SORCS1: variants seen among roughly 807,000 people sequenced by gnomAD.
SORCS1 encodes the protein VPS10 domain-containing receptor SorCS1.
A neutral mutation model predicts 146.1 loss-of-function variants in SORCS1; 60 were observed. That is an observed-to-expected ratio of 0.41 (90% CI 0.33 to 0.51). SORCS1 has a LOEUF of 0.51. Ranked by LOEUF, SORCS1 falls within the 20% of genes least tolerant of loss-of-function variation. The pLI is 0.21. For synonymous variants in SORCS1, 637 were observed against 584.0 expected, an observed-to-expected ratio of 1.09 and a Z score of -1.31; for missense variants, 1,352 against 1,487.6, an observed-to-expected ratio of 0.91 and a Z score of 1.50.
intron 3 of SORCS1, among the ~76,000 whole-genome samples, chr10:106,814,740 G>A (rs893776884): frequency 1.3e-4 from 19 of 151,664 alleles, no homozygotes; most frequent in Non-Finnish European, 1.9e-4. Context: ...TGGTGAAACC[G>A]CGTCTCTACT....
In SORCS1 at chr10:107,034,269, C is replaced by G. The variant is rs572190199; in HGVS notation, c.559-77689G>C. Among the ~76,000 whole-genome samples the G allele has an allele frequency of 2.6e-5, 4 of 152,168 alleles. No individual in the cohort carries two copies. In the South Asian group the frequency reaches 8.3e-4, roughly 32 times the overall value. On this transcript the variant is annotated intron_variant, in intron 1 of 25. Transcript: ENST00000263054. ...GTCAGTCAATACAGTTGGCCATGCT[C>G]CAAGTATCAGAAAAGAGCCCAGAGT...
chr10:106,919,399 G>A lies in SORCS1; in HGVS notation c.626+37114C>T, dbSNP rs200638962. Among the ~76,000 whole-genome samples the A allele has an allele frequency of 3.3e-5, 5 of 152,070 alleles. No individual in the cohort carries two copies. The East Asian group carries it at 9.6e-4, about 29-fold the overall frequency. On this transcript the variant is annotated intron_variant, in intron 2 of 25. Transcript: ENST00000263054. ...TTTCCCATTTTCTGTCCTGTGAGTT[G>A]TACTCTTTTTCTCTCTCTTCCTCTG... is the stretch of plus-strand genomic sequence containing the variant.
chr10:107,084,389 C>T (rs1169956858), intron 1 of SORCS1, among the ~76,000 whole-genome samples: 2 of 151,780 alleles, frequency 1.3e-5, no homozygotes, highest in Non-Finnish European at 2.9e-5. Flanking sequence ...CGGCATGAGC[C>T]GCCACACCTG....
intron 24 of SORCS1, among the ~76,000 whole-genome samples, chr10:106,588,705 CA>C (rs1194725115): frequency 6.6e-6 from 1 of 151,106 alleles, no homozygotes. Flanking sequence ...ACTAAAAATA[CA>C]AAAAATTAGC....
chr10:107,141,424 G>A (rs1207204460), intron 1 of SORCS1, among the ~76,000 whole-genome samples: 2 of 152,096 alleles, frequency 1.3e-5, no homozygotes, highest in Non-Finnish European at 2.9e-5. Flanking sequence ...TCTCCAAGCT[G>A]AGGAAGTATG....
intron 18 of SORCS1, among the ~76,000 whole-genome samples, chr10:106,632,069 ATATATAAT>A (rs1239521264): frequency 6.6e-6 from 1 of 152,142 alleles, no homozygotes; most frequent in Non-Finnish European, 1.5e-5. Flanking sequence ...CAGGTATTTT[ATATATAAT>A]TATATAACAG....
At chr10:106,614,803 G>A (rs1452885938) in intron 21 of SORCS1, among the ~76,000 whole-genome samples, 2 of 152,178 alleles carry the variant, frequency 1.3e-5, no homozygotes, top group Non-Finnish European at 2.9e-5. Context: ...AAGAAATAGG[G>A]GATGCGTGTG....
intron 2 of SORCS1, among the ~76,000 whole-genome samples, chr10:106,936,019 T>C (rs10884389): frequency 0.45 from 67,787 of 152,126 alleles, 17,728 homozygotes; most frequent in Non-Finnish European, 0.58. Flanking sequence ...GATTGGAGCA[T>C]ATCTGAATGT....
At chr10:106,744,905 C>T (rs917373244) in intron 5 of SORCS1, among the ~76,000 whole-genome samples, 3 of 152,116 alleles carry the variant, frequency 2.0e-5, no homozygotes, top group African/African-American at 7.2e-5. Flanking sequence ...GAGAACCCCA[C>T]CTCCATGGTC....
At chr10:106,675,421 T>C (rs1288959779) in intron 13 of SORCS1, among the ~76,000 whole-genome samples, 1 of 152,130 alleles carries the variant, frequency 6.6e-6, no homozygotes, top group East Asian at 1.9e-4. Context: ...TTTTATAAAA[T>C]TGTTGAAAGT....
chr10:106,863,377 T>A (rs1950095811), intron 2 of SORCS1, among the ~76,000 whole-genome samples: 1 of 152,058 alleles, frequency 6.6e-6, no homozygotes, highest in East Asian at 1.9e-4. Flanking sequence ...GTACAAAAAT[T>A]ATCTGGGTGT....
intron 2 of SORCS1, among the ~76,000 whole-genome samples, chr10:106,909,582 G>C (rs979796112): frequency 6.6e-6 from 1 of 152,162 alleles, no homozygotes; most frequent in Non-Finnish European, 1.5e-5. Flanking sequence ...TAGTTACTAT[G>C]CATTACTGTC....
chr10:106,840,864 T>TATA (rs1491157685), intron 2 of SORCS1, among the ~76,000 whole-genome samples: 24 of 98,396 alleles, frequency 2.4e-4, no homozygotes, highest in East Asian at 1.0e-3. Flanking sequence ...TATATATATA[T>TATA]TTTTTTTTTT....
At chr10:106,994,297 G>A (rs895198753) in intron 1 of SORCS1, among the ~76,000 whole-genome samples, 1 of 152,058 alleles carries the variant, frequency 6.6e-6, no homozygotes, top group Non-Finnish European at 1.5e-5. Flanking sequence ...ACAAAAATCT[G>A]TCTGGAATAT....
At chr10:106,832,915 T>C (rs910046538) in intron 2 of SORCS1, among the ~76,000 whole-genome samples, 1 of 152,128 alleles carries the variant, frequency 6.6e-6, no homozygotes, top group South Asian at 2.1e-4. Context: ...TCGATGAAGA[T>C]TTTCACATTT....
At chr10:107,041,607 T>C (rs2133993284) in intron 1 of SORCS1, among the ~76,000 whole-genome samples, 1 of 152,154 alleles carries the variant, frequency 6.6e-6, no homozygotes. Flanking sequence ...CAGTTTTTTT[T>C]CCTTCCCCTA....
At chr10:107,016,402 T>C (rs1220808464) in intron 1 of SORCS1, among the ~76,000 whole-genome samples, 1 of 152,114 alleles carries the variant, frequency 6.6e-6, no homozygotes, top group African/African-American at 2.4e-5. Flanking sequence ...TATTCGGGGA[T>C]GCTGAGGCAT....
intron 3 of SORCS1, among the ~76,000 whole-genome samples, chr10:106,798,733 T>A (rs1241038701): frequency 6.6e-6 from 1 of 152,206 alleles, no homozygotes; most frequent in Non-Finnish European, 1.5e-5. Context: ...TTGTGAATAG[T>A]GCCGCAATAA....
intron 18 of SORCS1, among the ~76,000 whole-genome samples, chr10:106,646,643 G>A (rs531652463): frequency 1.3e-5 from 2 of 152,118 alleles, no homozygotes; most frequent in African/African-American, 4.8e-5. Context: ...TTGCGGTTGA[G>A]CTGAGATCTT....
Sources: gnomAD v4.1 joint callset for allele counts (sites outside exome capture counted in the v4.1 genomes callset) on GRCh38, gnomAD v4.1.1 for gene constraint, MANE v1.5 for transcripts, NCBI Gene and HGNC (gene_info 2026-07-23, HGNC 2026-07-21) for gene names.